Variants in PLS1 observed in about 807,000 individuals in gnomAD.
PLS1 encodes plastin-1.
PLS1 carries 32 observed loss-of-function variants against 73.7 expected under a neutral mutation model. The ratio of observed to expected loss-of-function variants is 0.43; its 90% CI spans 0.33 to 0.58. The LOEUF (loss-of-function observed/expected upper bound fraction) is 0.58, where lower values mean the gene tolerates loss of function less well. PLS1 is among the 20% of genes least tolerant of loss of function. PLS1 has a pLI of 0.04. For synonymous variants in PLS1, 217 were observed against 261.3 expected (o/e 0.83, Z 1.63); for missense variants, 633 against 740.5 (o/e 0.85, Z 1.68).
intron 1 of PLS1, among the ~76,000 whole-genome samples, chr3:142,604,048 C>T (rs2035975864): frequency 6.6e-6 from 1 of 151,998 alleles, no homozygotes; most frequent in Non-Finnish European, 1.5e-5. Flanking sequence ...TTTATAGATC[C>T]AGTTTCAAGA....
chr3:142,683,409 C>G (rs1323094581), intron 6 of PLS1, among the ~76,000 whole-genome samples: 2 of 152,188 alleles, frequency 1.3e-5, no homozygotes, highest in Non-Finnish European at 2.9e-5. Flanking sequence ...GAGGCTGAGG[C>G]AGGAGAATGG....
chr3:142,667,399 G>A (rs1315207493), intron 2 of PLS1, among the ~76,000 whole-genome samples: 3 of 152,118 alleles, frequency 2.0e-5, no homozygotes, highest in Non-Finnish European at 2.9e-5. Context: ...TGGCGACATA[G>A]CGAGACTCCG....
chr3:142,694,542 G>T lies in PLS1; in HGVS notation c.1251G>T (p.Leu417Phe). The T allele has an allele frequency of 6.4e-7, 1 of 1,564,900 alleles. No individual in the cohort carries two copies. The highest frequency in any genetic ancestry group is 8.8e-7 in the Non-Finnish European group (1 of 1,135,978). Residue 417 changes from leucine to phenylalanine, a missense_variant, in exon 11 of 16, where the codon TTG becomes TTT. Coordinates refer to ENST00000457734, the MANE Select transcript of PLS1 (RefSeq NM_001145319.2). Reference protein sequence around the residue: ...SLGVNPYINHLYSDLADALVI... With the variant: ...SLGVNPYINHFYSDLADALVI... ...GAGTCAACCCATACATTAATCATTT[G>T]TACAGGTAAATATTTTATTGTGCTT...
chr3:142,680,692 G>GCATT (rs1352285501), intron 6 of PLS1, among the ~76,000 whole-genome samples: 2 of 152,118 alleles, frequency 1.3e-5, no homozygotes, highest in African/African-American at 4.8e-5. Context: ...CTAGAACAAT[G>GCATT]AGTGGATATT....
intron 1 of PLS1, among the ~76,000 whole-genome samples, chr3:142,644,120 A>G (rs1423954344): frequency 2.0e-5 from 3 of 151,968 alleles, no homozygotes; most frequent in Admixed American, 2.0e-4. Context: ...GAGCCACTGC[A>G]TCTGACCTCT....
At chr3:142,708,970 G>A (rs1932979378) in intron 14 of PLS1, among the ~76,000 whole-genome samples, 1 of 152,118 alleles carries the variant, frequency 6.6e-6, no homozygotes, top group East Asian at 1.9e-4. Context: ...AAAAATACTT[G>A]TTTCCTAAAT....
chr3:142,686,137 T>G (rs1332966221), intron 8 of PLS1, 147 bp from the exon 9 acceptor site: 7 of 606,858 alleles, frequency 1.2e-5, no homozygotes, highest in Admixed American at 2.9e-5. Context: ...CATGGTACAT[T>G]CAGGAACCTA....
At chr3:142,614,132 T>C (rs2036171099) in intron 1 of PLS1, among the ~76,000 whole-genome samples, 1 of 152,214 alleles carries the variant, frequency 6.6e-6, no homozygotes, top group African/African-American at 2.4e-5. Context: ...CAGGCCACTT[T>C]GGGATTTGCT....
Position 142,669,516 on chromosome 3 carries a change from A to G in PLS1, c.197A>G (p.Asn66Ser). The G allele has an allele frequency of 6.2e-7, 1 of 1,613,560 alleles. No individual in the cohort carries two copies. The highest frequency in any genetic ancestry group is 8.5e-7 in the Non-Finnish European group (1 of 1,179,662). Residue 66 changes from asparagine to serine, a missense_variant, in exon 3 of 16, where the codon AAC becomes AGC. Coordinates refer to ENST00000457734, the MANE Select transcript of PLS1 (RefSeq NM_001145319.2). The stretch of plus-strand genomic sequence containing the variant: ...AAAATTCTATCAGTTGCTGACAGCA[A>G]CAAAGATGGCAAAATCAGTTTTGAA... ...VEKILSVADS[N>S]KDGKISFEEF...
At chr3:142,616,497 C>A (rs1361851212) in intron 1 of PLS1, among the ~76,000 whole-genome samples, 8 of 152,158 alleles carry the variant, frequency 5.3e-5, no homozygotes, top group Admixed American at 5.2e-4. Flanking sequence ...GTGACCCCAA[C>A]AACAGGCCAT....
chr3:142,669,368 A>G, intron 2 of PLS1, 22 bp from the exon 3 acceptor site: 1 of 1,374,326 alleles, frequency 7.3e-7, no homozygotes, highest in Non-Finnish European at 1.0e-6. Context: ...TACAAAATAT[A>G]TTTTATAATA....
At chr3:142,631,222 C>CA (rs201106682) in intron 1 of PLS1, among the ~76,000 whole-genome samples, 76 of 141,568 alleles carry the variant, frequency 5.4e-4, no homozygotes, top group Admixed American at 1.3e-3. Context: ...ATAAAAAATA[C>CA]AAAAAAAAAA....
At chr3:142,711,654 C>T in intron 15 of PLS1, 29 bp downstream of exon 15, 2 of 1,558,916 alleles carry the variant, frequency 1.3e-6, no homozygotes, top group Non-Finnish European at 1.7e-6. Flanking sequence ...TATTACAATA[C>T]ATGGCCCTTT....
In PLS1 at chr3:142,711,944, A is replaced by G; in HGVS notation, c.1827A>G (p.Lys609=). 6.2e-7 allele frequency: 1 copy of G among 1,613,588 alleles called. No individual in the cohort carries two copies. Among genetic ancestry groups the G allele is most frequent in the South Asian group, 1.1e-5 (1 of 91,070 alleles). Residue 609 remains lysine (K), a synonymous_variant, in exon 16 of 16, where the codon AAA becomes AAG. Transcript: ENST00000457734. Reference sequence around the variant, plus strand: ...TACCTGATGACCTCGTAGAAGTGAAACCAAAGATGGTTATGACGGTGTTTG... The same window carrying G: ...TACCTGATGACCTCGTAGAAGTGAAGCCAAAGATGGTTATGACGGTGTTTG... ...YALPDDLVEV[K]PKMVMTVFAC...
chr3:142,684,858 G>C (rs2037930547), intron 8 of PLS1, among the ~76,000 whole-genome samples: 1 of 152,100 alleles, frequency 6.6e-6, no homozygotes, highest in African/African-American at 2.4e-5. Context: ...CCTTAACCAG[G>C]GTAGCTTAAA....
chr3:142,632,261 G>A (rs2036581787), intron 1 of PLS1, among the ~76,000 whole-genome samples: 1 of 152,248 alleles, frequency 6.6e-6, no homozygotes, highest in East Asian at 1.9e-4. Flanking sequence ...ACAATTTGAA[G>A]TAAGTCAAAA....
At chr3:142,659,019 A>G (rs930441777) in intron 1 of PLS1, among the ~76,000 whole-genome samples, 16 of 152,206 alleles carry the variant, frequency 1.1e-4, no homozygotes, top group Non-Finnish European at 1.9e-4. Context: ...TGTAGGCCTC[A>G]AATATACATT....
In PLS1 at chr3:142,712,229, T is replaced by C. The variant is rs572715984; in HGVS notation, c.*222T>C. 3 of 383,802 alleles carry C rather than the reference T, an allele frequency of 7.8e-6. No individual in the cohort carries two copies. The East Asian group carries it at 1.2e-4, about 15-fold the overall frequency. The allele number at this position is 383,802 out of a possible 1,614,324, so 23.8% of individuals were successfully genotyped here. A position where few individuals can be genotyped will look rare whatever the true frequency, so the allele number is the denominator to read the frequency against. ...TGATACAGATAATAGAATATATTCA[T>C]AATCAAGCTGATACTTCATGATTAA... On this transcript the variant is annotated 3_prime_UTR_variant, in exon 16 of 16. Coordinates refer to ENST00000457734, the MANE Select transcript of PLS1 (RefSeq NM_001145319.2).
chr3:142,676,341 G>T (rs370059622), intron 5 of PLS1, 52 bp downstream of exon 5: 1 of 1,550,678 alleles, frequency 6.4e-7, no homozygotes. Context: ...TTACATTGAT[G>T]AGCATTCCAT....
Sources: gnomAD v4.1 joint callset for allele counts (sites outside exome capture counted in the v4.1 genomes callset) on GRCh38, gnomAD v4.1.1 for gene constraint, MANE v1.5 for transcripts, NCBI Gene and HGNC (gene_info 2026-07-23, HGNC 2026-07-21) for gene names.